LINGO2: variants seen among roughly 807,000 people sequenced by gnomAD.
The protein encoded by LINGO2 is leucine-rich repeat and immunoglobulin-like domain-containing nogo receptor-interacting protein 2.
LINGO2 carries 14 observed loss-of-function variants against 30.6 expected under a neutral mutation model. The observed-to-expected ratio is 0.46, with a 90% CI of 0.30 to 0.72. The LOEUF is 0.72. Among genes scored for constraint, LINGO2 ranks in the 30% least tolerant of loss-of-function variants. LINGO2 has a pLI of 0.07. For missense variants in LINGO2, 729 were observed against 751.7 expected, an observed-to-expected ratio of 0.97 and a Z score of 0.35; for synonymous variants, 317 against 288.5, an observed-to-expected ratio of 1.10 and a Z score of -1.00.
chr9:28,304,029 T>C (rs1228176496), intron 3 of LINGO2, among the ~76,000 whole-genome samples: 1 of 152,086 alleles, frequency 6.6e-6, no homozygotes, highest in African/African-American at 2.4e-5. Flanking sequence ...TGCATAACAA[T>C]GATAGCTAAA....
the LINGO2 span, among the ~76,000 whole-genome samples, chr9:28,734,745 A>G: frequency 6.6e-6 from 1 of 152,160 alleles, no homozygotes; most frequent in Non-Finnish European, 1.5e-5. Flanking sequence ...TACTATTGAG[A>G]TAAATTTACC....
chr9:28,685,892 G>A, the LINGO2 span, among the ~76,000 whole-genome samples: 1 of 151,834 alleles, frequency 6.6e-6, no homozygotes, highest in Non-Finnish European at 1.5e-5. Flanking sequence ...GGTGAGGTTT[G>A]TACTAAAAGT....
the LINGO2 span, among the ~76,000 whole-genome samples, chr9:28,737,580 A>T: frequency 6.6e-6 from 1 of 152,198 alleles, no homozygotes; most frequent in Non-Finnish European, 1.5e-5. Context: ...CAGAGCAAGT[A>T]TTCTACTGAG....
chr9:28,789,953 G>A, the LINGO2 span, among the ~76,000 whole-genome samples: 3 of 152,144 alleles, frequency 2.0e-5, no homozygotes, highest in Non-Finnish European at 4.4e-5. Context: ...GAAGACAGTG[G>A]TACATATATA....
the LINGO2 span, among the ~76,000 whole-genome samples, chr9:28,756,083 G>A: frequency 2.4e-4 from 37 of 152,008 alleles, no homozygotes; most frequent in African/African-American, 8.2e-4. Flanking sequence ...AGATGATCCT[G>A]AAATCACCTG....
At chr9:29,070,466 A>G in the LINGO2 span, among the ~76,000 whole-genome samples, 1 of 152,144 alleles carries the variant, frequency 6.6e-6, no homozygotes, top group Non-Finnish European at 1.5e-5. Context: ...TAATGAGAAC[A>G]AAGAAGAGGA....
chr9:28,261,035 T>G (rs966888819), intron 4 of LINGO2, among the ~76,000 whole-genome samples: 1 of 151,962 alleles, frequency 6.6e-6, no homozygotes, highest in African/African-American at 2.4e-5. Flanking sequence ...TACATCTAGA[T>G]AACCTGAAAC....
chr9:28,899,322 A>G, the LINGO2 span, among the ~76,000 whole-genome samples: 6 of 152,248 alleles, frequency 3.9e-5, no homozygotes, highest in South Asian at 1.2e-3. Flanking sequence ...CAGCCTTACA[A>G]TCCAGGTTTG....
chr9:28,529,606 CTT>C (rs201066699), intron 1 of LINGO2, among the ~76,000 whole-genome samples: 119 of 125,180 alleles, frequency 9.5e-4, no homozygotes, highest in African/African-American at 1.5e-3. Flanking sequence ...ATTGCAAATA[CTT>C]TTTTTTTTTT....
At chr9:29,017,929 G>A in the LINGO2 span, among the ~76,000 whole-genome samples, 3 of 151,736 alleles carry the variant, frequency 2.0e-5, no homozygotes, top group African/African-American at 7.3e-5. Context: ...GTGCCCAAGA[G>A]CAGTAAGATT....
chr9:28,361,268 T>C (rs2134507426), intron 3 of LINGO2, among the ~76,000 whole-genome samples: 1 of 152,310 alleles, frequency 6.6e-6, no homozygotes, highest in South Asian at 2.1e-4. Context: ...AATTAATATT[T>C]AATTATTAGT....
chr9:29,111,386 T>A, the LINGO2 span, among the ~76,000 whole-genome samples: 3 of 152,156 alleles, frequency 2.0e-5, no homozygotes, highest in Non-Finnish European at 2.9e-5. Context: ...TCAAAATTCT[T>A]ACAATATCTG....
At chr9:28,897,035 T>C in the LINGO2 span, among the ~76,000 whole-genome samples, 1 of 151,866 alleles carries the variant, frequency 6.6e-6, no homozygotes, top group Admixed American at 6.6e-5. Flanking sequence ...GGTGAAGAGG[T>C]CCTAAAATAA....
At chr9:29,027,072 T>G in the LINGO2 span, among the ~76,000 whole-genome samples, 1 of 152,260 alleles carries the variant, frequency 6.6e-6, no homozygotes, top group Non-Finnish European at 1.5e-5. Flanking sequence ...GTGTTATAAA[T>G]CAGTGATTAG....
the LINGO2 span, among the ~76,000 whole-genome samples, chr9:29,136,820 A>G: frequency 1.9e-3 from 292 of 152,298 alleles, 1 homozygote; most frequent in African/African-American, 6.7e-3. Flanking sequence ...ACAACTGCTC[A>G]TTTGATACCC....
intron 5 of LINGO2, among the ~76,000 whole-genome samples, chr9:27,986,864 T>C (rs1014127073): frequency 2.0e-5 from 3 of 151,848 alleles, no homozygotes; most frequent in African/African-American, 7.3e-5. Context: ...TGGTATCTTT[T>C]TGGGGATGTT....
chr9:28,318,847 T>A (rs1824936654), intron 3 of LINGO2, among the ~76,000 whole-genome samples: 1 of 152,314 alleles, frequency 6.6e-6, no homozygotes, highest in Middle Eastern at 3.4e-3. Context: ...GGCACTGTAC[T>A]AAGCAAACAC....
chr9:28,504,877 A>G (rs1160231420), intron 1 of LINGO2, among the ~76,000 whole-genome samples: 1 of 151,852 alleles, frequency 6.6e-6, no homozygotes, highest in Non-Finnish European at 1.5e-5. Flanking sequence ...AAGGCTTCAT[A>G]GAGGAAGCAA....
the LINGO2 span, among the ~76,000 whole-genome samples, chr9:28,885,374 C>CACACAT: frequency 1.4e-5 from 2 of 143,694 alleles, no homozygotes; most frequent in African/African-American, 5.3e-5. Context: ...CACACACACA[C>CACACAT]ATATATATAT....
Sources: allele counts gnomAD v4.1 joint callset (sites outside exome capture counted in the v4.1 genomes callset), GRCh38; gene constraint gnomAD v4.1.1; transcripts MANE v1.5; gene names NCBI Gene and HGNC (gene_info 2026-07-23, HGNC 2026-07-21).